Variants in ATP13A1 observed in about 807,000 individuals in gnomAD.
ATP13A1 encodes ATPase 13A1.
In ATP13A1, 55 loss-of-function variants were observed where a neutral mutation model predicts 134.8. The ratio of observed to expected loss-of-function variants is 0.41; its 90% CI spans 0.33 to 0.51. The LOEUF is 0.51. ATP13A1 is among the 20% of genes least tolerant of loss of function. The pLI is 0.29. For missense variants in ATP13A1, 1,389 were observed against 1,652.8 expected, an observed-to-expected ratio of 0.84 and a Z score of 2.77; for synonymous variants, 775 against 725.1, an observed-to-expected ratio of 1.07 and a Z score of -1.10.
rs1287624929 is a variant in ATP13A1, at chr19:19,654,468, G to C, written c.1813+75C>G. The C allele has an allele frequency of 1.1e-5, 16 of 1,489,442 alleles. No individual in the cohort carries two copies. In the Admixed American group the frequency reaches 3.5e-4, roughly 32 times the overall value. 92.3% of individuals were successfully genotyped at this position (1,489,442 alleles called of 1,614,324 possible). A position where few individuals can be genotyped will look rare whatever the true frequency, so the allele number is the denominator to read the frequency against. Reference sequence around the variant, plus strand: ...CTGCCTGTCCCCAAGATGCTCTGAGGGGTGCAGCCCACCTGCCTAGGGCTG... The same window carrying C: ...CTGCCTGTCCCCAAGATGCTCTGAGCGGTGCAGCCCACCTGCCTAGGGCTG... On this transcript the variant is annotated intron_variant, in intron 13 of 25. Transcript: ENST00000357324.
In ATP13A1 at chr19:19,652,665, A is replaced by G. The variant is rs942976937; in HGVS notation, c.2156T>C (p.Ile719Thr). 1.2e-6 allele frequency: 2 copies of G among 1,608,980 alleles called. No homozygotes were observed. The highest frequency in any genetic ancestry group is 1.7e-6 in the Non-Finnish European group (2 of 1,178,140). Residue 719 changes from isoleucine (I) to threonine (T), a missense_variant, in exon 16 of 26, where the codon ATT (isoleucine) becomes ACT (threonine). Around this residue, in one of 4 missense-constraint regions of ATP13A1, gnomAD observed 747 missense variants for 956.1 expected, o/e 0.78. Transcript: ENST00000357324. ...AGCCTTGAGCGGGCAGGAGACCACAATGAAGCCGACGAACTTGAGGCTGCA... is the reference window on the plus strand; with the variant it reads ...AGCCTTGAGCGGGCAGGAGACCACAGTGAAGCCGACGAACTTGAGGCTGCA... ...LECSLKFVGF[I>T]VVSCPLKADS... is the part of the protein sequence containing the mutation.
intron 17 of ATP13A1, 159 bp from the exon 18 acceptor site, chr19:19,650,099 C>T (rs1158625227): frequency 1.5e-6 from 1 of 654,208 alleles, no homozygotes; most frequent in East Asian, 2.7e-5. Context: ...GGGGACTCCA[C>T]AAAGAATGTC....
At chr19:19,657,453 G>C (rs569280237) in intron 3 of ATP13A1, 45 bp from the exon 4 acceptor site, 45 of 1,534,224 alleles carry the variant, frequency 2.9e-5, no homozygotes, top group Non-Finnish European at 3.9e-5. Context: ...CAAGGCCTCT[G>C]GGGTATGGAG....
At chr19:19,654,829 G>C in intron 12 of ATP13A1, 129 bp from the exon 13 acceptor site, 1 of 1,148,554 alleles carries the variant, frequency 8.7e-7, no homozygotes, top group African/African-American at 1.6e-5. Flanking sequence ...GCGCCAACTG[G>C]GTCTTTATGA....
chr19:19,657,749 G>A (rs2062068870), intron 3 of ATP13A1, among the ~76,000 whole-genome samples: 1 of 152,202 alleles, frequency 6.6e-6, no homozygotes, highest in Admixed American at 6.5e-5. Flanking sequence ...AGCAAGTAGA[G>A]AAGGAACCTC....
intron 1 of ATP13A1, chr19:19,663,029 A>G: frequency 1.4e-6 from 1 of 707,194 alleles, no homozygotes; most frequent in South Asian, 1.5e-5. Context: ...TACATCACTG[A>G]ATCTAAATGA....
rs1031777771 is a variant in ATP13A1, at chr19:19,659,744, C to T, written c.534G>A (p.Lys178=). Residue 178 remains lysine (K), a synonymous_variant, in exon 3 of 26, where the codon AAG becomes AAA. Transcript: ENST00000357324. ...TCTTCTCCAGGGCATCGTAGGAATA[C>T]TTGATCTTCTGGAATTCGAAGGACA... ...EVLSFEFQKI[K]YSYDALEKKQ... is the part of the protein sequence containing the mutation. 1.2e-6 allele frequency: 2 copies of T among 1,613,850 alleles called. No individual in the cohort carries two copies. Among genetic ancestry groups the T allele is most frequent in the Non-Finnish European group, 1.7e-6 (2 of 1,179,888 alleles).
chr19:19,660,323 A>G (rs1206502913), intron 1 of ATP13A1, among the ~76,000 whole-genome samples: 1 of 151,854 alleles, frequency 6.6e-6, no homozygotes, highest in Non-Finnish European at 1.5e-5. Flanking sequence ...CTCAACTAAA[A>G]ATACACAAAT....
Position 19,645,383 on chromosome 19 carries a change from C to A in ATP13A1, c.*39G>T. On this transcript the variant is annotated 3_prime_UTR_variant, in exon 26 of 26. Transcript: ENST00000357324. This position sits in a 1 kb window ranked among gnomAD's most constrained non-coding sequence, Gnocchi z 4.1. The stretch of plus-strand genomic sequence containing the variant: ...GGGCCCTGTTGGGGTTCCCGCCCAG[C>A]GGCAGCCAGGGTGGGCAGTGGGTAC... 6.4e-7 allele frequency: 1 copy of A among 1,558,404 alleles called. No individual in the cohort carries two copies. The highest frequency in any genetic ancestry group is 8.7e-7 in the Non-Finnish European group (1 of 1,151,468).
chr19:19,661,598 G>A (rs1050421011), intron 1 of ATP13A1, among the ~76,000 whole-genome samples: 1 of 152,162 alleles, frequency 6.6e-6, no homozygotes, highest in Non-Finnish European at 1.5e-5. Flanking sequence ...CTCCCTCCCA[G>A]TAACACCACA....
chr19:19,654,445 G>T, intron 13 of ATP13A1, 98 bp downstream of exon 13: 1 of 1,413,092 alleles, frequency 7.1e-7, no homozygotes, highest in Non-Finnish European at 9.4e-7. Flanking sequence ...CTGTAGGCCT[G>T]CCTGTCCCCA....
rs771372997 is a variant in ATP13A1 at position 19,653,976 on chromosome 19, T to C, written c.1982A>G (p.His661Arg). 7 of 1,594,102 alleles carry C rather than the reference T, an allele frequency of 4.4e-6. No homozygotes were observed. The South Asian group carries it at 5.7e-5, about 13-fold the overall frequency. The change falls in exon 14 of 26, where the codon CAC (histidine) becomes CGC (arginine). Residue 661 changes from histidine to arginine, a missense_variant. Around this residue, in one of 4 missense-constraint regions of ATP13A1, gnomAD observed 747 missense variants for 956.1 expected, o/e 0.78. Coordinates refer to ENST00000357324, the MANE Select transcript of ATP13A1 (RefSeq NM_020410.3). The surrounding 1 kb of genome is among the most constrained non-coding windows in gnomAD (Gnocchi z 4.2). Reference sequence around the variant, plus strand: ...AGGCTGGGGCCAGCTCACCATGGAGTGCAGAGTTTCGGGGGCCCCCTTCAC... The same window carrying C: ...AGGCTGGGGCCAGCTCACCATGGAGCGCAGAGTTTCGGGGGCCCCCTTCAC... ...AAVKGAPETL[H>R]SMFSQCPPDY...
rs112791082 is a variant in ATP13A1 at position 19,656,561 on chromosome 19, C to T, written c.1083+99G>A. The stretch of plus-strand genomic sequence containing the variant: ...TCATCTGTGCCCACACTGCCTCCTC[C>T]GCCTGTGCCTGAGGGGGATCCCCGC... On this transcript the variant is annotated intron_variant, in intron 7 of 25. Coordinates refer to ENST00000357324, the MANE Select transcript of ATP13A1 (RefSeq NM_020410.3). The surrounding 1 kb of genome is among the most constrained non-coding windows in gnomAD (Gnocchi z 4.6). 42 of 1,273,782 alleles carry T rather than the reference C, an allele frequency of 3.3e-5. No individual in the cohort carries two copies. The highest frequency in any genetic ancestry group is 3.1e-4 in the Admixed American group (15 of 49,114). The allele number at this position is 1,273,782 out of a possible 1,614,324, so 78.9% of individuals were successfully genotyped here. A position where few individuals can be genotyped will look rare whatever the true frequency, so the allele number is the denominator to read the frequency against.
chr19:19,646,793 C>T (rs1382667773), intron 22 of ATP13A1: 6 of 405,012 alleles, frequency 1.5e-5, no homozygotes, highest in East Asian at 9.1e-5. Flanking sequence ...GCACAGGCCT[C>T]CCCAGCTGTC....
Position 19,649,837 on chromosome 19 carries a change from G to C in ATP13A1, c.2439C>G (p.Gly813=). The C allele has an allele frequency of 6.2e-7, 1 of 1,603,230 alleles. No individual in the cohort carries two copies. Among genetic ancestry groups the C allele is most frequent in the Non-Finnish European group, 8.5e-7 (1 of 1,178,476 alleles). The change falls in exon 18 of 26, where the codon GGC becomes GGG. Residue 813 remains glycine, a synonymous_variant. Transcript: ENST00000357324. The part of the protein sequence containing the change: ...LALEYALCLT[G]DGLAHLQATD... ...TGGCCTGCAGGTGGGCCAAGCCGTC[G>C]CCTGTGAGGCACAGTGCGTACTCCA... is the stretch of plus-strand genomic sequence containing the variant.
At chr19:19,648,516 A>G (rs1357966546) in intron 19 of ATP13A1, among the ~76,000 whole-genome samples, 8 of 143,672 alleles carry the variant, frequency 5.6e-5, no homozygotes, top group African/African-American at 2.3e-4. Context: ...AAAAAAGAAA[A>G]AAGAAAAAAA....
rs2062038638 is a variant in ATP13A1 at position 19,653,663 on chromosome 19, G to A, written c.2100+121C>T. 3.3e-6 allele frequency: 3 copies of A among 922,790 alleles called. No individual in the cohort carries two copies. Among genetic ancestry groups the A allele is most frequent in the Admixed American group, 5.2e-5 (2 of 38,666 alleles). 57.2% of individuals were successfully genotyped at this position (922,790 alleles called of 1,614,324 possible). A position where few individuals can be genotyped will look rare whatever the true frequency, so the allele number is the denominator to read the frequency against. On this transcript the variant is annotated intron_variant, in intron 15 of 25. Transcript: ENST00000357324. The surrounding 1 kb of genome is among the most constrained non-coding windows in gnomAD (Gnocchi z 4.2). ...GAGTCTCCAAAGGTAGAAGCTGGAG[G>A]CGGGGCAAGGAGGACAAAATCACAA...
At position 19,663,659 on chromosome 19, in the gene ATP13A1, G is replaced by A; in HGVS notation, c.8C>T (p.Ala3Val). 1 of 1,286,362 alleles carries A rather than the reference G, an allele frequency of 7.8e-7. No individual in the cohort carries two copies. The highest frequency in any genetic ancestry group is 2.5e-5 in the South Asian group (1 of 40,610). 79.7% of individuals were successfully genotyped at this position (1,286,362 alleles called of 1,614,324 possible). Residue 3 changes from alanine (A) to valine (V), a missense_variant, in exon 1 of 26, where the codon GCA becomes GTA. Coordinates refer to ENST00000357324, the MANE Select transcript of ATP13A1 (RefSeq NM_020410.3). ...CACCGCGTTGCCCACCGCCGCCGCT[G>A]CCGCCATCTTTCCTAGCGCCGCGCT... Reference protein sequence around the residue: MAAAAAVGNAVPC... With the variant: MAVAAAVGNAVPC...
At chr19:19,646,821 T>C (rs1267628653) in intron 22 of ATP13A1, 3 of 448,518 alleles carry the variant, frequency 6.7e-6, no homozygotes, top group Non-Finnish European at 1.2e-5. Flanking sequence ...CTGTCCTGTG[T>C]AGCCTATGAC....
Sources: gnomAD v4.1 joint callset for allele counts (sites outside exome capture counted in the v4.1 genomes callset) on GRCh38, gnomAD v4.1.1 for gene constraint, gnomAD v4.1.1 regional missense constraint, Gnocchi (gnomAD v3.1) non-coding constraint, MANE v1.5 for transcripts, NCBI Gene and HGNC (gene_info 2026-07-23, HGNC 2026-07-21) for gene names.